Variants in GRM1 observed in about 807,000 individuals in gnomAD.
GRM1 encodes the protein glutamate metabotropic receptor 1.
In GRM1, 33 loss-of-function variants were observed where a neutral mutation model predicts 90.9. The observed-to-expected ratio is 0.36, with a 90% CI of 0.28 to 0.49. The LOEUF is 0.49. Among genes scored for constraint, GRM1 ranks in the 20% least tolerant of loss-of-function variants. The pLI, the probability that GRM1 is intolerant of heterozygous loss-of-function variation, is 0.99. For missense variants in GRM1, 1,190 were observed against 1,534.3 expected, an observed-to-expected ratio of 0.78 and a Z score of 3.75; for synonymous variants, 700 against 613.2, an observed-to-expected ratio of 1.14 and a Z score of -2.09.
At chr6:146,310,540 T>C (rs1439720210) in intron 3 of GRM1, among the ~76,000 whole-genome samples, 2 of 152,242 alleles carry the variant, frequency 1.3e-5, no homozygotes, top group Non-Finnish European at 2.9e-5. Context: ...TCTTCACCCC[T>C]TTTTGTATCC....
intron 2 of GRM1, among the ~76,000 whole-genome samples, chr6:146,202,491 A>G (rs1480308122): frequency 6.6e-6 from 1 of 152,238 alleles, no homozygotes; most frequent in African/African-American, 2.4e-5. Context: ...TCAGGAGAGC[A>G]GTGAACATTG....
At position 146,316,277 on chromosome 6, in the gene GRM1, C is replaced by G. The variant is rs185754036; in HGVS notation, c.1186+11431C>G. On this transcript the variant is annotated intron_variant, in intron 3 of 7. Coordinates refer to ENST00000282753, the MANE Select transcript of GRM1 (RefSeq NM_001278064.2). ...TCTGACTTTTCTTCCTCAACCACACCTCTCTCTGGACGTGACCAGGGAAAT... is the reference window on the plus strand; with the variant it reads ...TCTGACTTTTCTTCCTCAACCACACGTCTCTCTGGACGTGACCAGGGAAAT... Among the ~76,000 whole-genome samples, 48 of 152,326 alleles carry G rather than the reference C, an allele frequency of 3.2e-4. 1 individual carries two copies. The East Asian group carries it at 8.9e-3, about 28-fold the overall frequency.
intron 1 of GRM1, among the ~76,000 whole-genome samples, chr6:146,129,777 A>G (rs1359393620): frequency 1.3e-5 from 2 of 152,088 alleles, no homozygotes; most frequent in Non-Finnish European, 2.9e-5. Context: ...GAAAGGGCCC[A>G]ATTTGATTTC....
intron 7 of GRM1, among the ~76,000 whole-genome samples, chr6:146,420,921 T>A (rs1257637989): frequency 6.6e-6 from 1 of 152,166 alleles, no homozygotes; most frequent in Non-Finnish European, 1.5e-5. Flanking sequence ...TATACTCTGA[T>A]AATTAATGGC....
At chr6:146,114,979 A>G (rs1340309489) in intron 1 of GRM1, among the ~76,000 whole-genome samples, 1 of 151,744 alleles carries the variant, frequency 6.6e-6, no homozygotes, top group Non-Finnish European at 1.5e-5. Flanking sequence ...ACAGGACATG[A>G]AAATTCTTTC....
chr6:146,214,057 AT>A (rs911211720), intron 2 of GRM1, among the ~76,000 whole-genome samples: 21 of 151,966 alleles, frequency 1.4e-4, no homozygotes, highest in African/African-American at 5.1e-4. Flanking sequence ...CTTTTTTCTA[AT>A]TTTTTTGCTC....
At chr6:146,131,160 G>A (rs1776383486) in intron 1 of GRM1, among the ~76,000 whole-genome samples, 1 of 152,124 alleles carries the variant, frequency 6.6e-6, no homozygotes, top group African/African-American at 2.4e-5. Flanking sequence ...TAAGACCTAG[G>A]CACTAAGAAG....
intron 1 of GRM1, among the ~76,000 whole-genome samples, chr6:146,136,384 T>C (rs1168631054): frequency 6.6e-6 from 1 of 152,202 alleles, no homozygotes; most frequent in Non-Finnish European, 1.5e-5. Flanking sequence ...TGTACTAATT[T>C]ACATCCCTAC....
chr6:146,262,486 A>C (rs1380113147), intron 2 of GRM1, among the ~76,000 whole-genome samples: 1 of 152,020 alleles, frequency 6.6e-6, no homozygotes, highest in Non-Finnish European at 1.5e-5. Flanking sequence ...AAGGTAATGC[A>C]TGAATCAAAA....
intron 7 of GRM1, among the ~76,000 whole-genome samples, chr6:146,413,231 T>C (rs905599929): frequency 8.5e-5 from 13 of 152,190 alleles, no homozygotes; most frequent in Non-Finnish European, 1.6e-4. Flanking sequence ...AAAGCTTTGC[T>C]GCCCCCAAAT....
intron 3 of GRM1, among the ~76,000 whole-genome samples, chr6:146,312,257 C>T (rs931467399): frequency 1.5e-5 from 2 of 136,710 alleles, no homozygotes; most frequent in Admixed American, 8.2e-5. Flanking sequence ...AGGAGAATGG[C>T]GTGAACCCAG....
At chr6:146,121,229 G>A (rs1418148114) in intron 1 of GRM1, among the ~76,000 whole-genome samples, 2 of 152,128 alleles carry the variant, frequency 1.3e-5, no homozygotes, top group Non-Finnish European at 2.9e-5. Flanking sequence ...TTGCGTCGAG[G>A]TGTTTATAGT....
intron 2 of GRM1, among the ~76,000 whole-genome samples, chr6:146,250,065 G>C (rs1781216872): frequency 1.3e-5 from 2 of 152,188 alleles, no homozygotes; most frequent in Admixed American, 1.3e-4. Flanking sequence ...TTTACCCAAT[G>C]CCTGTACTCC....
chr6:146,358,880 G>T (rs1775343019), intron 5 of GRM1, among the ~76,000 whole-genome samples: 1 of 152,152 alleles, frequency 6.6e-6, no homozygotes, highest in African/African-American at 2.4e-5. Flanking sequence ...CTAGTTTTAG[G>T]TATCTTGTGC....
At chr6:146,330,907 G>C (rs1784565687) in intron 3 of GRM1, among the ~76,000 whole-genome samples, 1 of 152,130 alleles carries the variant, frequency 6.6e-6, no homozygotes, top group African/African-American at 2.4e-5. Context: ...GTCAAGTTGA[G>C]GTGTTGGGGC....
intron 3 of GRM1, among the ~76,000 whole-genome samples, chr6:146,351,097 A>G (rs558085641): frequency 6.6e-6 from 1 of 152,290 alleles, no homozygotes; most frequent in South Asian, 2.1e-4. Flanking sequence ...CAAACTGTCT[A>G]ACATCCTAAA....
chr6:146,214,097 G>A (rs1478030318), intron 2 of GRM1, among the ~76,000 whole-genome samples: 1 of 152,012 alleles, frequency 6.6e-6, no homozygotes, highest in Non-Finnish European at 1.5e-5. Context: ...ATTGAATGGT[G>A]CCTGGCCACT....
intron 7 of GRM1, among the ~76,000 whole-genome samples, chr6:146,430,258 C>A (rs1446478136): frequency 6.6e-6 from 1 of 152,196 alleles, no homozygotes; most frequent in Non-Finnish European, 1.5e-5. Flanking sequence ...AGCAAGATCC[C>A]GAACCTGTTG....
chr6:146,175,995 C>T (rs1356782306), intron 2 of GRM1, among the ~76,000 whole-genome samples: 1 of 152,098 alleles, frequency 6.6e-6, no homozygotes, highest in South Asian at 2.1e-4. Flanking sequence ...ACTATAGTAA[C>T]TATCTCCTAA....
Sources: gnomAD v4.1 joint callset for allele counts (sites outside exome capture counted in the v4.1 genomes callset) on GRCh38, gnomAD v4.1.1 for gene constraint, MANE v1.5 for transcripts, NCBI Gene and HGNC (gene_info 2026-07-23, HGNC 2026-07-21) for gene names.